Variants in OCLN observed in about 807,000 individuals in gnomAD.
OCLN encodes the protein phosphatase 1, regulatory subunit 115.
In OCLN, 21 loss-of-function variants were observed where a neutral mutation model predicts 47.9. The observed-to-expected ratio is 0.44, with a 90% CI of 0.31 to 0.63. The LOEUF (loss-of-function observed/expected upper bound fraction) is 0.63. OCLN is among the 30% of genes least tolerant of loss of function. The probability of loss-of-function intolerance (pLI) is 0.08; values close to 1 mark genes in which losing one functional copy is unlikely to be tolerated. For synonymous variants in OCLN, 117 were observed against 198.4 expected, an observed-to-expected ratio of 0.59 and a Z score of 3.45; for missense variants, 360 against 571.0, an observed-to-expected ratio of 0.63 and a Z score of 3.77.
intron 3 of OCLN, among the ~76,000 whole-genome samples, chr5:69,512,226 G>A (rs1768810077): frequency 2.0e-5 from 3 of 152,036 alleles, no homozygotes; most frequent in Non-Finnish European, 4.4e-5. Flanking sequence ...GATTCATGTT[G>A]TGTTAATTTT....
intron 4 of OCLN, chr5:69,530,576 T>G (rs1769402122): frequency 6.6e-6 from 1 of 152,142 alleles, no homozygotes; most frequent in Non-Finnish European, 1.5e-5. Flanking sequence ...GCCTCTAGAC[T>G]GTTGGAGTCT....
chr5:69,555,240 T>TGC lies in OCLN; in HGVS notation c.*1570_*1571insCG. On this transcript the variant is annotated 3_prime_UTR_variant, in exon 9 of 9. Transcript: ENST00000396442. The stretch of plus-strand genomic sequence containing the variant: ...TGAGCCACCATGCCTGGCCTAAGTG[T>TGC]GTGTGTGTGTGTGTGTGTGTATTTT... The TGC allele has an allele frequency of 7.8e-6, 1 of 128,352 alleles. No individual in the cohort carries two copies. The highest frequency in any genetic ancestry group is 3.3e-5 in the African/African-American group (1 of 29,964). 8.0% of individuals were successfully genotyped at this position (128,352 alleles called of 1,614,324 possible).
rs1462186866 is a variant in OCLN, at chr5:69,493,947, T to C, written c.-69+1047T>C. 1.3e-5 allele frequency among the ~76,000 whole-genome samples: 2 copies of C among 152,156 alleles called. No individual in the cohort carries two copies. On this transcript the variant is annotated intron_variant, in intron 1 of 8. Transcript: ENST00000396442. The surrounding 1 kb of genome is among the most constrained non-coding windows in gnomAD (Gnocchi z 5.3). The stretch of plus-strand genomic sequence containing the variant: ...TCCTTAGGCCGGACCCGGGGCTCGC[T>C]GGCCACACTGCCCGCTTGGGGAATT...
chr5:69,548,923 T>C (rs1322896812), intron 7 of OCLN, among the ~76,000 whole-genome samples: 1 of 150,508 alleles, frequency 6.6e-6, no homozygotes, highest in East Asian at 2.0e-4. Flanking sequence ...ATTGCGCCAT[T>C]GCACTCCAGC....
chr5:69,502,070 G>A (rs2111949573), intron 1 of OCLN, among the ~76,000 whole-genome samples: 1 of 152,174 alleles, frequency 6.6e-6, no homozygotes, highest in South Asian at 2.1e-4. Context: ...GTGGCAGCGT[G>A]CGCCTGTAGT....
At chr5:69,519,194 A>G (rs1769059990) in intron 4 of OCLN, among the ~76,000 whole-genome samples, 1 of 152,194 alleles carries the variant, frequency 6.6e-6, no homozygotes, top group Non-Finnish European at 1.5e-5. Flanking sequence ...TATTAGTTTA[A>G]TCCCTCCCTA....
At chr5:69,535,471 T>C (rs2112066923) in intron 5 of OCLN, among the ~76,000 whole-genome samples, 1 of 57,436 alleles carries the variant, frequency 1.7e-5, no homozygotes, top group South Asian at 6.8e-4. Flanking sequence ...TCAATTCTAA[T>C]TCCACCTAAT....
At chr5:69,549,767 A>G (rs1423458694) in intron 7 of OCLN, among the ~76,000 whole-genome samples, 1 of 151,738 alleles carries the variant, frequency 6.6e-6, no homozygotes, top group Non-Finnish European at 1.5e-5. Flanking sequence ...TTACGTAAGT[A>G]TGGACTTTAC....
chr5:69,527,946 T>C (rs1258206605), intron 4 of OCLN, among the ~76,000 whole-genome samples: 2 of 152,150 alleles, frequency 1.3e-5, no homozygotes, highest in Admixed American at 6.6e-5. Flanking sequence ...TACTGTTTCT[T>C]TGGACAGCGT....
chr5:69,511,766 T>G (rs1165349550), intron 3 of OCLN, among the ~76,000 whole-genome samples: 1 of 152,094 alleles, frequency 6.6e-6, no homozygotes, highest in Non-Finnish European at 1.5e-5. Context: ...AGCTCACGCC[T>G]GTAATCCCAG....
At chr5:69,518,361 C>A (rs1050685237) in intron 4 of OCLN, among the ~76,000 whole-genome samples, 1 of 152,120 alleles carries the variant, frequency 6.6e-6, no homozygotes. Context: ...TTATGTGATT[C>A]TTAACCAGAG....
chr5:69,496,400 A>G (rs1207412458), intron 1 of OCLN, among the ~76,000 whole-genome samples: 1 of 152,036 alleles, frequency 6.6e-6, no homozygotes, highest in African/African-American at 2.4e-5. Flanking sequence ...GCCCGGCCAC[A>G]ACTTAAACTT....
intron 1 of OCLN, among the ~76,000 whole-genome samples, chr5:69,498,933 G>A (rs1236066156): frequency 6.6e-6 from 1 of 152,030 alleles, no homozygotes; most frequent in African/African-American, 2.4e-5. Context: ...CCCGTCTTGG[G>A]CTCCCAAAGA....
intron 1 of OCLN, among the ~76,000 whole-genome samples, chr5:69,498,005 G>A (rs1459372216): frequency 5.3e-5 from 8 of 151,318 alleles, no homozygotes; most frequent in African/African-American, 1.7e-4. Flanking sequence ...AGTGGCGGGC[G>A]CCTGTAGTCC....
chr5:69,514,030 T>C lies in OCLN; in HGVS notation c.812T>C (p.Met271Thr). ...TTTGCTGTGAAAACTCGAAGAAAGA[T>C]GGACAGGTATGACAAGTCCAATATT... Reference protein sequence around the residue: ...IFFAVKTRRKMDRYDKSNILW... With the variant: ...IFFAVKTRRKTDRYDKSNILW... The change falls in exon 4 of 9, where the codon ATG (methionine) becomes ACG (threonine). Residue 271 changes from methionine (M) to threonine (T), a missense_variant. Coordinates refer to ENST00000396442, the MANE Select transcript of OCLN (RefSeq NM_001205254.2). 6.2e-7 allele frequency: 1 copy of C among 1,613,998 alleles called. No homozygotes were observed. Among genetic ancestry groups the C allele is most frequent in the Non-Finnish European group, 8.5e-7 (1 of 1,179,850 alleles).
intron 1 of OCLN, among the ~76,000 whole-genome samples, chr5:69,497,633 G>C (rs563434681): frequency 6.6e-6 from 1 of 151,718 alleles, no homozygotes; most frequent in Admixed American, 6.6e-5. Context: ...CACCCGCCTC[G>C]TCCTCCCAAA....
intron 6 of OCLN, among the ~76,000 whole-genome samples, chr5:69,547,211 C>G (rs2112083946): frequency 6.6e-6 from 1 of 150,436 alleles, no homozygotes; most frequent in East Asian, 1.9e-4. Context: ...GAAACAGCCA[C>G]TTCCAGTCAG....
At position 69,517,786 on chromosome 5, in the gene OCLN, C is replaced by G. The variant is rs1354482608; in HGVS notation, c.891+3677C>G. 2.6e-5 allele frequency among the ~76,000 whole-genome samples: 4 copies of G among 152,016 alleles called. No individual in the cohort carries two copies. The East Asian group carries it at 7.7e-4, about 29-fold the overall frequency. On this transcript the variant is annotated intron_variant, in intron 4 of 8. Coordinates refer to ENST00000396442, the MANE Select transcript of OCLN (RefSeq NM_001205254.2). ...TATGTCCCTGCCCTTGACTTGAAGCCCTGTTTTTTTTTTCCCTCACTTTAA... is the reference window on the plus strand; with the variant it reads ...TATGTCCCTGCCCTTGACTTGAAGCGCTGTTTTTTTTTTCCCTCACTTTAA...
At chr5:69,530,839 G>A (rs1436614074) in intron 4 of OCLN, 1 of 152,280 alleles carries the variant, frequency 6.6e-6, no homozygotes, top group Non-Finnish European at 1.5e-5. Context: ...GGTCAGCTCA[G>A]TGTGCCTCAT....
Sources: gnomAD v4.1 joint callset for allele counts (sites outside exome capture counted in the v4.1 genomes callset) on GRCh38, gnomAD v4.1.1 for gene constraint, Gnocchi (gnomAD v3.1) non-coding constraint, MANE v1.5 for transcripts, NCBI Gene and HGNC (gene_info 2026-07-23, HGNC 2026-07-21) for gene names.